The following MINDY4 variants were observed in gnomAD, a reference collection of about 807,000 sequenced individuals.
The protein encoded by MINDY4 is MINDY lysine 48 deubiquitinase 4, also known as probable ubiquitin carboxyl-terminal hydrolase MINDY-4.
Under a neutral mutation model 87.0 loss-of-function variants are expected in MINDY4, and 68 were observed. The ratio of observed to expected loss-of-function variants is 0.78; its 90% confidence interval spans 0.64 to 0.96. MINDY4 has a LOEUF of 0.96. Ranked by LOEUF, MINDY4 falls within the 40% of genes least tolerant of loss-of-function variation. The probability of loss-of-function intolerance (pLI) is 0.00; values close to 1 mark genes in which losing one functional copy is unlikely to be tolerated. For missense variants in MINDY4, 919 were observed against 928.2 expected (o/e 0.99, Z 0.13); for synonymous variants, 379 against 363.2 (o/e 1.04, Z -0.50).
intron 5 of MINDY4, among the ~76,000 whole-genome samples, chr7:30,812,449 A>T (rs1788033366): frequency 6.6e-6 from 1 of 152,250 alleles, no homozygotes; most frequent in Admixed American, 6.5e-5. Context: ...TGGAATAGAC[A>T]GGAAAAATGA....
At position 30,853,135 on chromosome 7, in the gene MINDY4, C is replaced by T. The variant is rs928396645; in HGVS notation, c.1612-259C>T. On this transcript the variant is annotated intron_variant, in intron 11 of 17. Transcript: ENST00000265299. ...TCCCCTGTTGGGGCCACACAGGATG[C>T]TGGAATTCTGGGGTCTCAGGCCCAG... Among the ~76,000 whole-genome samples the T allele has an allele frequency of 7.2e-5, 11 of 152,232 alleles. 1 individual carries two copies. The highest frequency in any genetic ancestry group is 2.7e-4 in the African/African-American group (11 of 41,462).
At chr7:30,824,216 T>G (rs2128561523) in intron 5 of MINDY4, among the ~76,000 whole-genome samples, 1 of 152,286 alleles carries the variant, frequency 6.6e-6, no homozygotes, top group South Asian at 2.1e-4. Context: ...CTCTGCAGAG[T>G]GCTGAGGTAG....
intron 13 of MINDY4, among the ~76,000 whole-genome samples, chr7:30,863,653 C>T (rs1459914049): frequency 1.3e-5 from 2 of 152,150 alleles, no homozygotes; most frequent in South Asian, 2.1e-4. Context: ...ACATCATGGA[C>T]AGATGTAAAC....
Position 30,828,690 on chromosome 7 carries a change from T to G in MINDY4, c.1085T>G (p.Leu362Trp). 2 of 1,614,022 alleles carry G rather than the reference T, an allele frequency of 1.2e-6. No individual in the cohort carries two copies. The highest frequency in any genetic ancestry group is 1.7e-6 in the Non-Finnish European group (2 of 1,180,042). The change falls in exon 6 of 18, where the codon TTG (leucine) becomes TGG (tryptophan). Residue 362 changes from leucine to tryptophan, a missense_variant. Physicochemically the swap from Leu to Trp is moderately conservative, Grantham distance 61. Coordinates refer to ENST00000265299, the MANE Select transcript of MINDY4 (RefSeq NM_032222.3). Reference sequence around the variant, plus strand: ...TTTCTATTTTCCAGGAAAAATCAGTTGCTGCCGTCTGACAAGGTGGATGGT... The same window carrying G: ...TTTCTATTTTCCAGGAAAAATCAGTGGCTGCCGTCTGACAAGGTGGATGGT... ...SQPAPVRKNQ[L>W]LPSDKVDGEL... is the part of the protein sequence containing the mutation.
At chr7:30,889,216 T>C (rs1790721628) in intron 17 of MINDY4, among the ~76,000 whole-genome samples, 1 of 152,166 alleles carries the variant, frequency 6.6e-6, no homozygotes. Flanking sequence ...AATGACACAC[T>C]CCAAACTGCA....
intron 4 of MINDY4, 43 bp from the exon 5 acceptor site, chr7:30,791,122 C>T: frequency 6.6e-7 from 1 of 1,525,580 alleles, no homozygotes; most frequent in African/African-American, 1.4e-5. Flanking sequence ...TTTTCCAGCT[C>T]CCCTCAAAGG....
At chr7:30,875,118 G>T (rs1790219610) in intron 14 of MINDY4, among the ~76,000 whole-genome samples, 1 of 152,190 alleles carries the variant, frequency 6.6e-6, no homozygotes, top group Non-Finnish European at 1.5e-5. Context: ...GCCACATCCT[G>T]CATTGAGTCA....
intron 4 of MINDY4, chr7:30,786,721 G>T (rs1787167948): frequency 7.2e-6 from 1 of 137,940 alleles, no homozygotes; most frequent in South Asian, 2.2e-4. Context: ...AAGCCTTATA[G>T]TTTCATTTAT....
rs1176212442 is a variant in MINDY4 at position 30,857,461 on chromosome 7, GTTTTTTTTTTTTTT to G, written c.1678-1780_1678-1767del. On this transcript the variant is annotated intron_variant, in intron 12 of 17. Coordinates refer to ENST00000265299, the MANE Select transcript of MINDY4 (RefSeq NM_032222.3). ...AAGAGGAGAGATCCATATCCACCTT[GTTTTTTTTTTTTTT>G]TTTTTTTTTTTTTTTGAGACGGAGT... is the stretch of plus-strand genomic sequence containing the variant. 6.8e-5 allele frequency among the ~76,000 whole-genome samples: 4 copies of G among 58,996 alleles called. 1 individual carries two copies. Among genetic ancestry groups the G allele is most frequent in the Admixed American group, 3.6e-4 (2 of 5,614 alleles). The allele number at this position is 58,996 out of a possible 152,430, so 38.7% of individuals were successfully genotyped here. A position where few individuals can be genotyped will look rare whatever the true frequency, so the allele number is the denominator to read the frequency against.
At chr7:30,846,959 C>G in intron 9 of MINDY4, among the ~76,000 whole-genome samples, 1 of 152,128 alleles carries the variant, frequency 6.6e-6, no homozygotes, top group East Asian at 1.9e-4. Flanking sequence ...TCACCTCCTG[C>G]TGTGCGGCCT....
At chr7:30,791,763 A>G (rs1787331460) in intron 5 of MINDY4, among the ~76,000 whole-genome samples, 189 bp downstream of exon 5, 1 of 152,158 alleles carries the variant, frequency 6.6e-6, no homozygotes, top group South Asian at 2.1e-4. Flanking sequence ...GAGCTCACAC[A>G]CCTGGAAAGC....
At chr7:30,781,666 A>G (rs1290972462) in intron 2 of MINDY4, 1 of 278,042 alleles carries the variant, frequency 3.6e-6, no homozygotes, top group East Asian at 7.5e-5. Flanking sequence ...CCTTGGAGCA[A>G]AAAATGAAGA....
intron 12 of MINDY4, among the ~76,000 whole-genome samples, chr7:30,856,086 G>T (rs539007281): frequency 6.6e-6 from 1 of 152,312 alleles, no homozygotes; most frequent in South Asian, 2.1e-4. Context: ...CTCCTGGCCA[G>T]CTGGAGGATG....
intron 5 of MINDY4, among the ~76,000 whole-genome samples, chr7:30,808,775 A>G (rs536095104): frequency 1.3e-5 from 2 of 152,262 alleles, no homozygotes; most frequent in East Asian, 1.9e-4. Context: ...GTTCCTGTAC[A>G]TAGACACTTG....
At chr7:30,815,342 G>T (rs1584269001) in intron 5 of MINDY4, among the ~76,000 whole-genome samples, 2 of 152,336 alleles carry the variant, frequency 1.3e-5, no homozygotes, top group African/African-American at 4.8e-5. Flanking sequence ...AGAGACCACT[G>T]GGGAGGGAGG....
chr7:30,868,566 T>A (rs1790007935), intron 13 of MINDY4, among the ~76,000 whole-genome samples: 2 of 152,230 alleles, frequency 1.3e-5, no homozygotes, highest in Admixed American at 1.3e-4. Flanking sequence ...GCCCTGAGTC[T>A]GGGCTGACAT....
chr7:30,863,157 C>T (rs1789820956), intron 13 of MINDY4, among the ~76,000 whole-genome samples: 1 of 152,184 alleles, frequency 6.6e-6, no homozygotes, highest in Non-Finnish European at 1.5e-5. Flanking sequence ...TTCAGCTTTG[C>T]CAAAGAATCC....
chr7:30,814,884 C>T (rs954192335), intron 5 of MINDY4, among the ~76,000 whole-genome samples: 3 of 152,216 alleles, frequency 2.0e-5, no homozygotes, highest in Non-Finnish European at 4.4e-5. Flanking sequence ...ACATGTGGCT[C>T]ACAGCTCTTA....
intron 6 of MINDY4, among the ~76,000 whole-genome samples, chr7:30,832,320 G>A (rs1788728235): frequency 6.6e-6 from 1 of 152,326 alleles, no homozygotes; most frequent in African/African-American, 2.4e-5. Context: ...CTGGCTCAAG[G>A]CATTGCAAGA....
Sources: gnomAD v4.1 joint callset for allele counts (sites outside exome capture counted in the v4.1 genomes callset) on GRCh38, gnomAD v4.1.1 for gene constraint, MANE v1.5 for transcripts, NCBI Gene and HGNC (gene_info 2026-07-23, HGNC 2026-07-21) for gene names.